The following LTB4R2 variants were observed in gnomAD, a reference collection of about 807,000 sequenced individuals.
The protein encoded by LTB4R2 is LTB4 receptor JULF2.
In LTB4R2, 6 loss-of-function variants were observed where a neutral mutation model predicts 5.3. That is an observed-to-expected ratio of 1.14 (90% CI 0.62 to 2.24). The LOEUF (loss-of-function observed/expected upper bound fraction) is 2.24, where lower values mean the gene tolerates loss of function less well. LTB4R2 is among the 30% of genes most tolerant of loss of function. The pLI, the probability that LTB4R2 is intolerant of heterozygous loss-of-function variation, is 0.00. For synonymous variants in LTB4R2, 310 were observed against 264.2 expected (o/e 1.17, Z -1.68); for missense variants, 560 against 521.5 (o/e 1.07, Z -0.72).
chr14:24,310,626 C>G (rs1446100918), intron 1 of LTB4R2, 29 bp from the exon 2 acceptor site: 1 of 1,610,138 alleles, frequency 6.2e-7, no homozygotes, highest in Non-Finnish European at 8.5e-7. Context: ...CCCTGAACGC[C>G]CTCTGTGGCG....
chr14:24,311,381 C>A lies in LTB4R2; in HGVS notation c.717C>A (p.Pro239=). ...IVLAFGLLWA[P]YHAVNLLQAV... ...TTGCCTTCGGCTTGCTCTGGGCCCC[C>A]TACCACGCAGTCAACCTTCTGCAGG... The change falls in exon 2 of 2, where the codon CCC becomes CCA. Residue 239 remains proline (P), a synonymous_variant. Coordinates refer to ENST00000533293, the MANE Select transcript of LTB4R2 (RefSeq NM_019839.5). 6.2e-7 allele frequency: 1 copy of A among 1,603,244 alleles called. No individual in the cohort carries two copies. The highest frequency in any genetic ancestry group is 8.5e-7 in the Non-Finnish European group (1 of 1,179,652).
At position 24,311,676 on chromosome 14, in the gene LTB4R2, C is replaced by T. The variant is rs776003503; in HGVS notation, c.1012C>T (p.Gln338Ter). The T allele has an allele frequency of 2.5e-6, 4 of 1,611,298 alleles. No individual in the cohort carries two copies. Among genetic ancestry groups the T allele is most frequent in the Middle Eastern group, 3.3e-4 (2 of 6,044 alleles). The part of the protein sequence containing the change: ...RTTPQLKVVG[Q>*]GRGNGDPGGG... The stretch of plus-strand genomic sequence containing the variant: ...TACCCCTCAGCTGAAAGTGGTGGGG[C>T]AGGGCCGCGGCAATGGAGACCCGGG... Residue 338 changes from glutamine to a stop codon, truncating the protein, a stop_gained, in exon 2 of 2, where the codon CAG becomes TAG. Coordinates refer to ENST00000533293, the MANE Select transcript of LTB4R2 (RefSeq NM_019839.5). LOFTEE classifies it high-confidence loss of function.
In LTB4R2 at chr14:24,310,195, G is replaced by A. The variant is rs1221231574; in HGVS notation, c.-71G>A. On this transcript the variant is annotated 5_prime_UTR_variant, in exon 1 of 2. Transcript: ENST00000533293. Reference sequence around the variant, plus strand: ...GGCACAGGACAGGAGTAGGCACCTCGCCTACTGCTGCTTAACCTTTCAGCT... The same window carrying A: ...GGCACAGGACAGGAGTAGGCACCTCACCTACTGCTGCTTAACCTTTCAGCT... 4 of 375,770 alleles carry A rather than the reference G, an allele frequency of 1.1e-5. No individual in the cohort carries two copies. Among genetic ancestry groups the A allele is most frequent in the Admixed American group, 4.4e-5 (1 of 22,682 alleles). 23.3% of individuals were successfully genotyped at this position (375,770 alleles called of 1,614,324 possible).
intron 1 of LTB4R2, 77 bp from the exon 2 acceptor site, chr14:24,310,578 C>CCTT: frequency 2.2e-6 from 3 of 1,387,910 alleles, no homozygotes; most frequent in Non-Finnish European, 3.1e-6. Flanking sequence ...AGGCATGGCA[C>CCTT]CTTCTCATCG....
chr14:24,311,326 G>T lies in LTB4R2; in HGVS notation c.662G>T (p.Arg221Leu), dbSNP rs562644365. 1.2e-6 allele frequency: 2 copies of T among 1,600,656 alleles called. No homozygotes were observed. The highest frequency in any genetic ancestry group is 8.5e-7 in the Non-Finnish European group (1 of 1,175,138). The change falls in exon 2 of 2, where the codon CGG becomes CTG. Residue 221 changes from arginine (R) to leucine (L), a missense_variant. By Grantham distance (102) the Arg-to-Leu change is moderately radical. Coordinates refer to ENST00000533293, the MANE Select transcript of LTB4R2 (RefSeq NM_019839.5). ...TGGGGCTCCGGGCGGCACGGGGCGC[G>T]GGTGGGCCGGCTGGTGAGCGCCATC... is the stretch of plus-strand genomic sequence containing the variant. ...ARWGSGRHGA[R>L]VGRLVSAIVL...
In LTB4R2 at chr14:24,311,214, C is replaced by T; in HGVS notation, c.550C>T (p.Leu184=). The change falls in exon 2 of 2, where the codon CTG becomes TTG. Residue 184 remains leucine, a synonymous_variant. Transcript: ENST00000533293. ...GGTCCACGCCGCCGCCCACCTGAGC[C>T]TGGAGACTCTGACCGCTTTCGTGCT... ...SPVHAAAHLS[L]ETLTAFVLPF... 1 of 1,609,266 alleles carries T rather than the reference C, an allele frequency of 6.2e-7. No homozygotes were observed. Among genetic ancestry groups the T allele is most frequent in the Non-Finnish European group, 8.5e-7 (1 of 1,178,278 alleles).
chr14:24,311,499 T>A lies in LTB4R2; in HGVS notation c.835T>A (p.Phe279Ile), dbSNP rs999582968. Reference sequence around the variant, plus strand: ...AGCGGGAACTACGGCCTTGGCCTTCTTCAGTTCTAGCGTCAACCCGGTGCT... The same window carrying A: ...AGCGGGAACTACGGCCTTGGCCTTCATCAGTTCTAGCGTCAACCCGGTGCT... ...ARAGTTALAF[F>I]SSSVNPVLYV... Residue 279 changes from phenylalanine to isoleucine, a missense_variant, in exon 2 of 2, where the codon TTC becomes ATC. By Grantham distance (21) the Phe-to-Ile change is conservative. Transcript: ENST00000533293. The A allele has an allele frequency of 1.9e-6, 3 of 1,602,174 alleles. No individual in the cohort carries two copies. The highest frequency in any genetic ancestry group is 2.5e-6 in the Non-Finnish European group (3 of 1,179,984).
At position 24,310,778 on chromosome 14, in the gene LTB4R2, C is replaced by G; in HGVS notation, c.114C>G (p.Asn38Lys). 6.2e-7 allele frequency: 1 copy of G among 1,607,810 alleles called. No individual in the cohort carries two copies. Among genetic ancestry groups the G allele is most frequent in the Admixed American group, 1.7e-5 (1 of 59,984 alleles). ...CGGCGCTGCTGGGGCTGCCTGGCAA[C>G]GGCTTCGTGGTGTGGAGCTTGGCGG... Reference protein sequence around the residue: ...LLAALLGLPGNGFVVWSLAGW... With the variant: ...LLAALLGLPGKGFVVWSLAGW... Residue 38 changes from asparagine (N) to lysine (K), a missense_variant, in exon 2 of 2, where the codon AAC (asparagine) becomes AAG (lysine). Physicochemically the swap from Asn to Lys is moderately conservative, Grantham distance 94. Transcript: ENST00000533293.
In LTB4R2 at chr14:24,311,034, A is replaced by G; in HGVS notation, c.370A>G (p.Thr124Ala). ...LLSLQRCLAV[T>A]RPFLAPRLRS... ...CAGCCTGCAGCGCTGCCTCGCAGTC[A>G]CCCGCCCCTTCCTGGCGCCTCGGCT... is the stretch of plus-strand genomic sequence containing the variant. Residue 124 changes from threonine to alanine, a missense_variant, in exon 2 of 2, where the codon ACC becomes GCC. Thr to Ala is a moderately conservative substitution (Grantham distance 58). Transcript: ENST00000533293. 1 of 1,578,214 alleles carries G rather than the reference A, an allele frequency of 6.3e-7. No individual in the cohort carries two copies. The highest frequency in any genetic ancestry group is 2.4e-5 in the East Asian group (1 of 42,406).
chr14:24,310,260 G>C lies in LTB4R2; in HGVS notation c.-11+5G>C. ...ATCCTGCTTGCTCCCAGCTTGGTAAGTAGATCTGTGCACGTCCCTTTACAC... is the reference window on the plus strand; with the variant it reads ...ATCCTGCTTGCTCCCAGCTTGGTAACTAGATCTGTGCACGTCCCTTTACAC... On this transcript the variant is annotated splice_donor_5th_base_variant and intron_variant, in intron 1 of 1. Transcript: ENST00000533293. 1.9e-6 allele frequency: 1 copy of C among 528,078 alleles called. No individual in the cohort carries two copies. The highest frequency in any genetic ancestry group is 3.4e-6 in the Non-Finnish European group (1 of 296,826). The allele number at this position is 528,078 out of a possible 1,614,324, so 32.7% of individuals were successfully genotyped here. A position where few individuals can be genotyped will look rare whatever the true frequency, so the allele number is the denominator to read the frequency against.
At position 24,311,226 on chromosome 14, in the gene LTB4R2, A is replaced by G. The variant is rs1463507129; in HGVS notation, c.562A>G (p.Thr188Ala). 3.7e-6 allele frequency: 6 copies of G among 1,608,946 alleles called. No homozygotes were observed. The highest frequency in any genetic ancestry group is 5.1e-6 in the Non-Finnish European group (6 of 1,178,184). Residue 188 changes from threonine to alanine, a missense_variant, in exon 2 of 2, where the codon ACC becomes GCC. By Grantham distance (58) the Thr-to-Ala change is moderately conservative (BLOSUM62 0). Transcript: ENST00000533293. ...CGCCCACCTGAGCCTGGAGACTCTG[A>G]CCGCTTTCGTGCTTCCTTTCGGGCT... The part of the protein sequence containing the change: ...AAAHLSLETL[T>A]AFVLPFGLML...
Position 24,312,028 on chromosome 14 carries a change from G to T in LTB4R2, c.*287G>T. ...ATAGCTGTTATTGTGAAATACACTG[G>T]GAAGCCATTAGATGATGACTTAAGT... is the stretch of plus-strand genomic sequence containing the variant. On this transcript the variant is annotated 3_prime_UTR_variant, in exon 2 of 2. Coordinates refer to ENST00000533293, the MANE Select transcript of LTB4R2 (RefSeq NM_019839.5). 2.4e-6 allele frequency: 1 copy of T among 421,274 alleles called. No homozygotes were observed. The highest frequency in any genetic ancestry group is 4.4e-6 in the Non-Finnish European group (1 of 228,346). 26.1% of individuals were successfully genotyped at this position (421,274 alleles called of 1,614,324 possible).
rs1349545040 is a variant in LTB4R2, at chr14:24,311,162, C to T, written c.498C>T (p.Arg166=). 5 of 1,604,350 alleles carry T rather than the reference C, an allele frequency of 3.1e-6. No individual in the cohort carries two copies. Among genetic ancestry groups the T allele is most frequent in the Non-Finnish European group, 2.5e-6 (3 of 1,176,954 alleles). The change falls in exon 2 of 2, where the codon CGC becomes CGT. Residue 166 remains arginine (R), a synonymous_variant. Transcript: ENST00000533293. ...AAVYRHLWRD[R]VCQLCHPSPV... ...TCTACCGCCACCTGTGGAGGGACCG[C>T]GTATGCCAGCTGTGCCACCCGTCGC... is the stretch of plus-strand genomic sequence containing the variant.
chr14:24,310,367 G>C (rs937260138), intron 1 of LTB4R2, 112 bp downstream of exon 1: 16 of 609,574 alleles, frequency 2.6e-5, no homozygotes, highest in African/African-American at 2.6e-4. Context: ...TGGTGGTAGA[G>C]ATAGTGACAG....
chr14:24,311,524 T>C lies in LTB4R2; in HGVS notation c.860T>C (p.Leu287Pro). The C allele has an allele frequency of 3.1e-6, 5 of 1,604,050 alleles. No homozygotes were observed. The highest frequency in any genetic ancestry group is 4.2e-6 in the Non-Finnish European group (5 of 1,179,996). ...TTCAGTTCTAGCGTCAACCCGGTGC[T>C]CTACGTCTTCACCGCTGGAGATCTG... ...AFFSSSVNPVLYVFTAGDLLP... is the reference protein window; with the variant it reads ...AFFSSSVNPVPYVFTAGDLLP... Residue 287 changes from leucine (L) to proline (P), a missense_variant, in exon 2 of 2, where the codon CTC (leucine) becomes CCC (proline). By Grantham distance (98) the Leu-to-Pro change is moderately conservative. Coordinates refer to ENST00000533293, the MANE Select transcript of LTB4R2 (RefSeq NM_019839.5).
In LTB4R2 at chr14:24,311,944, CTAT is replaced by C; in HGVS notation, c.*205_*207del. 1.8e-6 allele frequency: 1 copy of C among 558,178 alleles called. No homozygotes were observed. Among genetic ancestry groups the C allele is most frequent in the Non-Finnish European group, 3.2e-6 (1 of 312,028 alleles). The allele number at this position is 558,178 out of a possible 1,614,324, so 34.6% of individuals were successfully genotyped here. A position where few individuals can be genotyped will look rare whatever the true frequency, so the allele number is the denominator to read the frequency against. On this transcript the variant is annotated 3_prime_UTR_variant, in exon 2 of 2. Transcript: ENST00000533293. ...GGGTGGTGATGGTCCCTGTTAAGGA[CTAT>C]TGTGTGCTTGCAAGTTGGCATGTAC...
chr14:24,311,219 G>T lies in LTB4R2; in HGVS notation c.555G>T (p.Glu185Asp), dbSNP rs760791457. 6.2e-7 allele frequency: 1 copy of T among 1,609,264 alleles called. No individual in the cohort carries two copies. The highest frequency in any genetic ancestry group is 8.5e-7 in the Non-Finnish European group (1 of 1,178,280). Residue 185 changes from glutamate to aspartate, a missense_variant, in exon 2 of 2, where the codon GAG becomes GAT. Transcript: ENST00000533293. The stretch of plus-strand genomic sequence containing the variant: ...ACGCCGCCGCCCACCTGAGCCTGGA[G>T]ACTCTGACCGCTTTCGTGCTTCCTT... ...PVHAAAHLSL[E>D]TLTAFVLPFG...
intron 1 of LTB4R2, 110 bp from the exon 2 acceptor site, chr14:24,310,545 C>A: frequency 9.2e-7 from 1 of 1,091,870 alleles, no homozygotes. Context: ...AGAAAAGAGG[C>A]AGGCTGCAGG....
chr14:24,310,858 C>T lies in LTB4R2; in HGVS notation c.194C>T (p.Ala65Val), dbSNP rs375166428. Residue 65 changes from alanine to valine, a missense_variant, in exon 2 of 2, where the codon GCG (alanine) becomes GTG (valine). By Grantham distance (64) the Ala-to-Val change is moderately conservative. Coordinates refer to ENST00000533293, the MANE Select transcript of LTB4R2 (RefSeq NM_019839.5). ...PLAATLVLHL[A>V]LADGAVLLLT... ...GCGGCCACGCTTGTGCTGCACCTGG[C>T]GCTGGCCGACGGCGCGGTGCTGCTG... is the stretch of plus-strand genomic sequence containing the variant. The T allele has an allele frequency of 2.8e-5, 45 of 1,591,058 alleles. No homozygotes were observed. The highest frequency in any genetic ancestry group is 3.3e-5 in the Non-Finnish European group (39 of 1,174,968).
Sources: allele counts gnomAD v4.1 joint callset, GRCh38; gene constraint gnomAD v4.1.1; transcripts MANE v1.5; gene names NCBI Gene and HGNC (gene_info 2026-07-23, HGNC 2026-07-21).